PARD3B: variants seen among roughly 807,000 people sequenced by gnomAD.
PARD3B encodes the protein partitioning defective 3 homolog B.
PARD3B carries 103 observed loss-of-function variants against 130.2 expected under a neutral mutation model. The observed-to-expected ratio is 0.79, with a 90% confidence interval of 0.67 to 0.93. The LOEUF is 0.93. Among genes scored for constraint, PARD3B ranks in the 40% least tolerant of loss-of-function variants. PARD3B has a pLI of 0.00. For missense variants in PARD3B, 1,609 were observed against 1,499.2 expected, an observed-to-expected ratio of 1.07 and a Z score of -1.21; for synonymous variants, 583 against 553.2, an observed-to-expected ratio of 1.05 and a Z score of -0.76.
chr2:205,276,595 C>T lies in PARD3B; in HGVS notation c.2186-23935C>T, dbSNP rs1441871899. On this transcript the variant is annotated intron_variant, in intron 16 of 22. Coordinates refer to ENST00000406610, the MANE Select transcript of PARD3B (RefSeq NM_001302769.2). This position sits in a 1 kb window ranked among gnomAD's most constrained non-coding sequence, Gnocchi z 5.0. ...TCTCACAAATGGCCCTTCTCGGCAACGTTGGGGGATATTTATTCCGGGGAA... is the reference window on the plus strand; with the variant it reads ...TCTCACAAATGGCCCTTCTCGGCAATGTTGGGGGATATTTATTCCGGGGAA... Among the ~76,000 whole-genome samples, 1 of 152,126 alleles carries T rather than the reference C, an allele frequency of 6.6e-6. No individual in the cohort carries two copies. The highest frequency in any genetic ancestry group is 1.5e-5 in the Non-Finnish European group (1 of 68,030).
intron 2 of PARD3B, among the ~76,000 whole-genome samples, chr2:204,782,300 C>T (rs2041862493): frequency 6.6e-6 from 1 of 151,762 alleles, no homozygotes; most frequent in Admixed American, 6.6e-5. Flanking sequence ...AGTTTCATTC[C>T]TTGTTAAAAT....
intron 2 of PARD3B, among the ~76,000 whole-genome samples, chr2:204,835,914 G>A (rs1245049028): frequency 6.6e-6 from 1 of 152,152 alleles, no homozygotes. Context: ...CTGTATGTTA[G>A]GTATATTAAA....
At chr2:204,805,527 A>T (rs1343088791) in intron 2 of PARD3B, among the ~76,000 whole-genome samples, 1 of 152,162 alleles carries the variant, frequency 6.6e-6, no homozygotes, top group Non-Finnish European at 1.5e-5. Flanking sequence ...ATTCTAAAAA[A>T]TAAAGGAGGA....
In PARD3B at chr2:205,440,385, T is replaced by A; in HGVS notation, c.2757T>A (p.His919Gln). 6.2e-7 allele frequency: 1 copy of A among 1,613,936 alleles called. No homozygotes were observed. Among genetic ancestry groups the A allele is most frequent in the Non-Finnish European group, 8.5e-7 (1 of 1,179,858 alleles). The part of the protein sequence containing the change: ...KEERERIGAK[H>Q]QELREKQARG... The stretch of plus-strand genomic sequence containing the variant: ...TATTTTTCAGGATTGGAGCAAAACA[T>A]CAGGAGCTAAGGGAAAAGCAGGCAA... Residue 919 changes from histidine (H) to glutamine (Q), a missense_variant, in exon 20 of 23, where the codon CAT (histidine) becomes CAA (glutamine). Coordinates refer to ENST00000406610, the MANE Select transcript of PARD3B (RefSeq NM_001302769.2). The surrounding 1 kb of genome is among the most constrained non-coding windows in gnomAD (Gnocchi z 4.2).
intron 3 of PARD3B, among the ~76,000 whole-genome samples, chr2:205,037,642 G>A: frequency 6.8e-6 from 1 of 146,588 alleles, no homozygotes; most frequent in East Asian, 2.0e-4. Flanking sequence ...TATAAAATAT[G>A]TATATAGTGG....
chr2:204,989,136 A>G (rs1190739442), intron 3 of PARD3B, among the ~76,000 whole-genome samples: 1 of 152,148 alleles, frequency 6.6e-6, no homozygotes, highest in East Asian at 1.9e-4. Flanking sequence ...CACTCAGGGC[A>G]GTGTCCCTTT....
intron 18 of PARD3B, among the ~76,000 whole-genome samples, chr2:205,375,596 CTT>C (rs914007137): frequency 2.0e-5 from 3 of 152,058 alleles, no homozygotes; most frequent in African/African-American, 7.2e-5. Flanking sequence ...CAGTAGGAGA[CTT>C]TTGGAAAATC....
intron 19 of PARD3B, among the ~76,000 whole-genome samples, chr2:205,426,806 A>G (rs1363752584): frequency 6.6e-6 from 1 of 152,222 alleles, no homozygotes; most frequent in Non-Finnish European, 1.5e-5. Context: ...ACACTAATCA[A>G]TAATCATTTA....
intron 15 of PARD3B, among the ~76,000 whole-genome samples, chr2:205,232,729 TAGAAA>T (rs1189309149): frequency 6.6e-6 from 1 of 152,058 alleles, no homozygotes; most frequent in Admixed American, 6.5e-5. Context: ...ATCAAATTTC[TAGAAA>T]AGAAAAGTTT....
chr2:204,965,748 A>G (rs1414307628), intron 3 of PARD3B, among the ~76,000 whole-genome samples: 1 of 152,158 alleles, frequency 6.6e-6, no homozygotes, highest in African/African-American at 2.4e-5. Context: ...ATCTGGGGGA[A>G]ATGTTTTGAA....
At chr2:205,573,925 C>T (rs1186408089) in intron 22 of PARD3B, among the ~76,000 whole-genome samples, 1 of 151,970 alleles carries the variant, frequency 6.6e-6, no homozygotes, top group Non-Finnish European at 1.5e-5. Context: ...TGGAGTGAAA[C>T]GTGCCAACAA....
Position 204,995,524 on chromosome 2 carries a change from C to A in PARD3B, c.394+30201C>A, listed in dbSNP as rs1337125240. On this transcript the variant is annotated intron_variant, in intron 3 of 22. Coordinates refer to ENST00000406610, the MANE Select transcript of PARD3B (RefSeq NM_001302769.2). ...TGACTGCCCTTAACATTTTTTCCTT[C>A]ATTTCAACTTTGGTGAATCTGACAA... Among the ~76,000 whole-genome samples, 6 of 145,928 alleles carry A rather than the reference C, an allele frequency of 4.1e-5. No homozygotes were observed. In the South Asian group the frequency reaches 1.4e-3, roughly 34 times the overall value.
intron 3 of PARD3B, among the ~76,000 whole-genome samples, chr2:204,971,409 G>A (rs892559603): frequency 6.6e-6 from 1 of 152,164 alleles, no homozygotes; most frequent in African/African-American, 2.4e-5. Flanking sequence ...AAGCATGTGA[G>A]GGTTCCTTGT....
chr2:205,391,070 G>C (rs991236211), intron 18 of PARD3B, among the ~76,000 whole-genome samples: 20 of 152,222 alleles, frequency 1.3e-4, no homozygotes, highest in Non-Finnish European at 2.8e-4. Context: ...TCTGTGGCCA[G>C]TGTGGAGCAA....
intron 21 of PARD3B, among the ~76,000 whole-genome samples, chr2:205,504,832 C>T (rs1575185708): frequency 1.3e-5 from 2 of 152,264 alleles, no homozygotes; most frequent in Admixed American, 6.5e-5. Flanking sequence ...GTCAGTGTGG[C>T]GATTCCTCAG....
chr2:205,079,777 A>C (rs1252942690), intron 4 of PARD3B, among the ~76,000 whole-genome samples: 2 of 152,056 alleles, frequency 1.3e-5, no homozygotes, highest in Non-Finnish European at 2.9e-5. Flanking sequence ...TAACCAAAAA[A>C]CATTTAATAA....
At chr2:205,248,670 G>A (rs991506803) in intron 16 of PARD3B, among the ~76,000 whole-genome samples, 1 of 141,464 alleles carries the variant, frequency 7.1e-6, no homozygotes, top group African/African-American at 2.7e-5. Flanking sequence ...GCAGTGGCGC[G>A]ATCTAGGCTC....
At chr2:205,172,846 G>A (rs2035251851) in intron 12 of PARD3B, among the ~76,000 whole-genome samples, 1 of 152,042 alleles carries the variant, frequency 6.6e-6, no homozygotes, top group African/African-American at 2.4e-5. Flanking sequence ...CAAGCTGCTT[G>A]CTCATGTTAT....
At chr2:204,723,097 C>G (rs539607319) in intron 2 of PARD3B, among the ~76,000 whole-genome samples, 1 of 152,226 alleles carries the variant, frequency 6.6e-6, no homozygotes, top group African/African-American at 2.4e-5. Context: ...AGTCACCTTT[C>G]TTAATTTTCT....
Sources: gnomAD v4.1 joint callset for allele counts (sites outside exome capture counted in the v4.1 genomes callset) on GRCh38, gnomAD v4.1.1 for gene constraint, Gnocchi (gnomAD v3.1) non-coding constraint, MANE v1.5 for transcripts, NCBI Gene and HGNC (gene_info 2026-07-23, HGNC 2026-07-21) for gene names.